CDH13: variants seen among roughly 807,000 people sequenced by gnomAD.
CDH13 encodes the protein cadherin-13.
In CDH13, 24 loss-of-function variants were observed where a neutral mutation model predicts 63.8. The ratio of observed to expected loss-of-function variants is 0.38; its 90% CI spans 0.27 to 0.53. The LOEUF is 0.53. Ranked by LOEUF, CDH13 falls within the 20% of genes least tolerant of loss-of-function variation. The probability of loss-of-function intolerance (pLI) is 0.85; values close to 1 mark genes in which losing one functional copy is unlikely to be tolerated. For missense variants in CDH13, 1,049 were observed against 903.1 expected (o/e 1.16, Z -2.07); for synonymous variants, 503 against 355.3 (o/e 1.42, Z -4.67).
intron 5 of CDH13, among the ~76,000 whole-genome samples, chr16:83,233,504 G>C (rs956124327): frequency 2.6e-5 from 4 of 152,174 alleles, no homozygotes. Flanking sequence ...TCAGAAGTCC[G>C]ACATGGTTCT....
intron 7 of CDH13, among the ~76,000 whole-genome samples, chr16:83,523,780 C>T (rs1277145839): frequency 6.6e-6 from 1 of 152,200 alleles, no homozygotes; most frequent in African/African-American, 2.4e-5. Context: ...CAACATTGAA[C>T]ATTGGGAAAA....
intron 2 of CDH13, among the ~76,000 whole-genome samples, chr16:82,969,831 G>A (rs1221733369): frequency 6.6e-6 from 1 of 152,096 alleles, no homozygotes; most frequent in Non-Finnish European, 1.5e-5. Context: ...AAACAAGATG[G>A]CTAGCAAACT....
intron 2 of CDH13, among the ~76,000 whole-genome samples, chr16:82,864,342 A>G (rs753435390): frequency 4.6e-5 from 7 of 152,230 alleles, no homozygotes; most frequent in Admixed American, 2.0e-4. Context: ...GCCTATTTTC[A>G]TACTTCTATA....
rs116930501 is a variant in CDH13, at chr16:83,397,345, C to G, written c.781+52339C>G. The G allele has an allele frequency of 3.9e-3, 588 of 152,292 alleles. 6 individuals carry two copies. Among genetic ancestry groups the G allele is most frequent in the South Asian group, 0.03 (143 of 4,820 alleles). 9.4% of individuals were successfully genotyped at this position (152,292 alleles called of 1,614,324 possible). On this transcript the variant is annotated intron_variant, in intron 6 of 13. Transcript: ENST00000567109. ...CTATGGAAGCCAAGGTATGTTCTCACTTTGTCTTGGTGCATTTGATTTCTC... is the reference window on the plus strand; with the variant it reads ...CTATGGAAGCCAAGGTATGTTCTCAGTTTGTCTTGGTGCATTTGATTTCTC...
At chr16:83,661,500 A>T (rs1282012995) in intron 8 of CDH13, among the ~76,000 whole-genome samples, 3 of 150,782 alleles carry the variant, frequency 2.0e-5, no homozygotes, top group Non-Finnish European at 4.4e-5. Context: ...AAAAAAAAAA[A>T]TCTTGTTCTC....
chr16:83,391,115 G>A (rs1437191298), intron 6 of CDH13, among the ~76,000 whole-genome samples: 2 of 152,136 alleles, frequency 1.3e-5, no homozygotes, highest in Non-Finnish European at 2.9e-5. Flanking sequence ...TTCACCATCT[G>A]CTGCCCAGGG....
At chr16:82,648,979 C>T (rs28399846) in intron 1 of CDH13, among the ~76,000 whole-genome samples, 35,849 of 151,938 alleles carry the variant, frequency 0.24, 4,363 homozygotes, top group Non-Finnish European at 0.27. Context: ...GATGGTTGAT[C>T]ATGAATGAGA....
chr16:83,654,773 C>T (rs541967389), intron 8 of CDH13: 2 of 152,322 alleles, frequency 1.3e-5, no homozygotes, highest in South Asian at 2.1e-4. Flanking sequence ...CTGCATTAGG[C>T]CTACGGGTTA....
At chr16:83,462,927 G>A (rs2073216821) in intron 6 of CDH13, among the ~76,000 whole-genome samples, 1 of 152,130 alleles carries the variant, frequency 6.6e-6, no homozygotes, top group African/African-American at 2.4e-5. Context: ...GAATATGCTT[G>A]TGGAAATACA....
intron 3 of CDH13, among the ~76,000 whole-genome samples, chr16:83,088,865 A>T (rs925257602): frequency 4.3e-4 from 65 of 152,346 alleles, no homozygotes; most frequent in African/African-American, 1.4e-3. Flanking sequence ...ATTTTTCAGC[A>T]ACAACCACAG....
At chr16:83,238,312 T>C (rs1597575642) in intron 5 of CDH13, among the ~76,000 whole-genome samples, 1 of 152,098 alleles carries the variant, frequency 6.6e-6, no homozygotes, top group Admixed American at 6.5e-5. Context: ...CAAAGGCACA[T>C]CTTACATGGC....
intron 2 of CDH13, among the ~76,000 whole-genome samples, chr16:82,917,039 A>C (rs2042010797): frequency 6.6e-6 from 1 of 152,242 alleles, no homozygotes; most frequent in Admixed American, 6.5e-5. Flanking sequence ...TAAGGAGGCA[A>C]ATAAAAGGGC....
chr16:82,938,064 A>G (rs953998085), intron 2 of CDH13, among the ~76,000 whole-genome samples: 11 of 152,250 alleles, frequency 7.2e-5, no homozygotes, highest in African/African-American at 2.7e-4. Context: ...AGCAGCTGCA[A>G]CAGCGGTAGC....
intron 7 of CDH13, among the ~76,000 whole-genome samples, chr16:83,519,933 T>C (rs913740112): frequency 4.1e-4 from 62 of 151,886 alleles, no homozygotes; most frequent in African/African-American, 1.4e-3. Flanking sequence ...CTATGTTGAG[T>C]TTGAAAAATA....
At chr16:83,289,194 G>A (rs1465099978) in intron 5 of CDH13, among the ~76,000 whole-genome samples, 27 of 141,982 alleles carry the variant, frequency 1.9e-4, no homozygotes, top group African/African-American at 5.8e-5. Context: ...ATGAATGTGC[G>A]TGAACTTGGT....
intron 1 of CDH13, among the ~76,000 whole-genome samples, chr16:82,742,090 C>A (rs1017598776): frequency 1.3e-5 from 2 of 152,054 alleles, no homozygotes; most frequent in Non-Finnish European, 2.9e-5. Flanking sequence ...TGGGCCAAAA[C>A]GTCTGCCATT....
chr16:83,649,667 A>C (rs1257836727), intron 8 of CDH13, among the ~76,000 whole-genome samples: 1 of 152,144 alleles, frequency 6.6e-6, no homozygotes, highest in Non-Finnish European at 1.5e-5. Flanking sequence ...CAGGGGAAGG[A>C]GGCAAGAAAG....
intron 7 of CDH13, among the ~76,000 whole-genome samples, chr16:83,488,245 A>G (rs887661073): frequency 6.6e-6 from 1 of 152,222 alleles, no homozygotes; most frequent in Non-Finnish European, 1.5e-5. Flanking sequence ...AGAAGGTTCT[A>G]CTGGGCAACA....
chr16:82,747,255 T>G (rs2034217299), intron 1 of CDH13, among the ~76,000 whole-genome samples: 1 of 152,206 alleles, frequency 6.6e-6, no homozygotes, highest in African/African-American at 2.4e-5. Context: ...TAGAAATTCA[T>G]AATCTGTAGC....
Sources: allele counts gnomAD v4.1 joint callset (sites outside exome capture counted in the v4.1 genomes callset), GRCh38; gene constraint gnomAD v4.1.1; transcripts MANE v1.5; gene names NCBI Gene and HGNC (gene_info 2026-07-23, HGNC 2026-07-21).